The following ZNF532 variants were observed in gnomAD, a reference collection of about 807,000 sequenced individuals.
ZNF532 encodes the protein zinc finger protein 532.
ZNF532 carries 22 observed loss-of-function variants against 89.3 expected under a neutral mutation model. The ratio of observed to expected loss-of-function variants is 0.25; its 90% CI spans 0.18 to 0.35. The LOEUF is 0.35. Ranked by LOEUF, ZNF532 falls within the 10% of genes least tolerant of loss-of-function variation. ZNF532 has a pLI of 1.00. For missense variants in ZNF532, 1,132 were observed against 1,643.4 expected (o/e 0.69, Z 5.38); for synonymous variants, 606 against 649.6 (o/e 0.93, Z 1.02).
At chr18:58,936,840 C>T (rs2062518894) in intron 4 of ZNF532, among the ~76,000 whole-genome samples, 1 of 152,214 alleles carries the variant, frequency 6.6e-6, no homozygotes, top group Admixed American at 6.5e-5. Context: ...GTGGCCTTGT[C>T]ATGTTTTTTG....
chr18:58,905,403 C>CT (rs11376624), intron 2 of ZNF532, among the ~76,000 whole-genome samples: 61,026 of 139,270 alleles, frequency 0.44, 13,588 homozygotes, highest in East Asian at 0.63. Context: ...TTTTTTCTTT[C>CT]TTTTTTTTTT....
intron 2 of ZNF532, among the ~76,000 whole-genome samples, 187 bp downstream of exon 2, chr18:58,865,766 CTGAA>C (rs2056397671): frequency 6.6e-6 from 1 of 152,178 alleles, no homozygotes. Flanking sequence ...AAGGCGAAAT[CTGAA>C]TGCCTTCATT....
chr18:58,963,329 A>G (rs1349179070), intron 7 of ZNF532, among the ~76,000 whole-genome samples: 1 of 152,158 alleles, frequency 6.6e-6, no homozygotes, highest in Non-Finnish European at 1.5e-5. Context: ...AATACTTGCT[A>G]TTTTGTAGCC....
At chr18:58,863,549 A>G (rs1354137064), upstream of ZNF532, 1 of 2,482 alleles carries the variant, frequency 4.0e-4, no homozygotes, top group Non-Finnish European at 9.4e-4. Flanking sequence ...AGGCCGCTCC[A>G]CCGCACACGC....
At chr18:58,872,040 G>A (rs2057028194) in intron 2 of ZNF532, among the ~76,000 whole-genome samples, 1 of 152,172 alleles carries the variant, frequency 6.6e-6, no homozygotes, top group African/African-American at 2.4e-5. Flanking sequence ...CTATATTCTG[G>A]CTGTTTTATA....
intron 3 of ZNF532, among the ~76,000 whole-genome samples, chr18:58,929,725 T>C (rs2061795601): frequency 6.6e-6 from 1 of 152,220 alleles, no homozygotes; most frequent in Admixed American, 6.5e-5. Context: ...GCAGAATGAT[T>C]TGAGGACAAA....
intron 2 of ZNF532, among the ~76,000 whole-genome samples, chr18:58,890,895 G>A (rs9956797): frequency 0.039 from 5,906 of 150,962 alleles, 350 homozygotes; most frequent in African/African-American, 0.13. Flanking sequence ...TCCAGGCTGG[G>A]GTGCAGTGAT....
chr18:58,891,550 G>C (rs1457983269), intron 2 of ZNF532, among the ~76,000 whole-genome samples: 5 of 149,920 alleles, frequency 3.3e-5, no homozygotes. Flanking sequence ...ATGAAACCTG[G>C]GACGCTTGTA....
intron 7 of ZNF532, among the ~76,000 whole-genome samples, chr18:58,974,397 G>A (rs1263353518): frequency 1.3e-5 from 2 of 151,984 alleles, no homozygotes; most frequent in Non-Finnish European, 2.9e-5. Context: ...TTTCTGTAGC[G>A]GCACGGCATC....
At chr18:58,915,320 C>G (rs11664527) in intron 2 of ZNF532, among the ~76,000 whole-genome samples, 30,479 of 152,144 alleles carry the variant, frequency 0.2, 4,117 homozygotes, top group Middle Eastern at 0.38. Context: ...GGATGACTGA[C>G]TCACTTTTTA....
chr18:58,924,823 G>C (rs540830693), intron 3 of ZNF532, among the ~76,000 whole-genome samples: 1 of 152,066 alleles, frequency 6.6e-6, no homozygotes, highest in East Asian at 1.9e-4. Context: ...CCACTAAGCT[G>C]TTTTTCATTT....
chr18:58,940,257 T>G (rs1450272015), intron 5 of ZNF532: 2 of 152,162 alleles, frequency 1.3e-5, no homozygotes, highest in African/African-American at 4.8e-5. Context: ...ATCTTTAAAT[T>G]TTTCCATAGT....
chr18:58,904,365 AT>A (rs36066115), intron 2 of ZNF532, among the ~76,000 whole-genome samples: 12,059 of 151,256 alleles, frequency 0.08, 855 homozygotes, highest in East Asian at 0.36. Context: ...AAAAAAAAAA[AT>A]AATGTATATG....
In ZNF532 at chr18:58,865,305, G is replaced by GTA. The variant is rs142122159; in HGVS notation, c.-206_-205dup. ...TTGCATGCTTTTTTTCTCTTGCAGG[G>GTA]TATGTTCTGTCTTGTGCTTTTTCTT... On this transcript the variant is annotated 5_prime_UTR_variant, in exon 1 of 10. The change creates a new upstream start codon in the 5' untranslated region. Transcript: ENST00000591808. 4.6e-5 allele frequency: 7 copies of GTA among 152,268 alleles called. No individual in the cohort carries two copies. Among genetic ancestry groups the GTA allele is most frequent in the African/African-American group, 1.7e-4 (7 of 41,522 alleles). 9.4% of individuals were successfully genotyped at this position (152,268 alleles called of 1,614,324 possible).
rs1555708767 is a variant in ZNF532 at position 58,888,697 on chromosome 18, T to TTTTATATA, written c.-18+23119_-18+23120insTTATATAT. Among the ~76,000 whole-genome samples the TTTTATATA allele has an allele frequency of 6.0e-4, 27 of 45,308 alleles. 1 individual carries two copies. The highest frequency in any genetic ancestry group is 3.1e-3 in the African/African-American group (26 of 8,364). 29.7% of individuals were successfully genotyped at this position (45,308 alleles called of 152,430 possible). ...GTCTCCAAGGAAGGCAAAAAAAAAA[T>TTTTATATA]TATATATATATATATATATATATAT... is the stretch of plus-strand genomic sequence containing the variant. On this transcript the variant is annotated intron_variant, in intron 2 of 9. Transcript: ENST00000591808.
intron 6 of ZNF532, among the ~76,000 whole-genome samples, chr18:58,952,853 TTAA>T (rs148242579): frequency 0.074 from 11,231 of 152,252 alleles, 893 homozygotes; most frequent in African/African-American, 0.2. Context: ...GGCCATTATG[TTAA>T]TGATGATAGT....
chr18:58,899,651 TAG>T (rs2059474134), intron 2 of ZNF532, among the ~76,000 whole-genome samples: 1 of 152,086 alleles, frequency 6.6e-6, no homozygotes, highest in Admixed American at 6.6e-5. Flanking sequence ...GTATTTTTAG[TAG>T]AGACAGGGTT....
intron 3 of ZNF532, chr18:58,926,292 A>G (rs1338121449): frequency 6.6e-6 from 1 of 152,178 alleles, no homozygotes. Flanking sequence ...AGGCCGATAA[A>G]TGATTCTTCA....
chr18:58,959,988 G>T (rs996471058), intron 7 of ZNF532, among the ~76,000 whole-genome samples: 9 of 151,902 alleles, frequency 5.9e-5, no homozygotes, highest in African/African-American at 2.2e-4. Context: ...ACCCAAACTG[G>T]AGTGCAGTGG....
Sources: gnomAD v4.1 joint callset for allele counts (sites outside exome capture counted in the v4.1 genomes callset) on GRCh38, gnomAD v4.1.1 for gene constraint, MANE v1.5 for transcripts, NCBI Gene and HGNC (gene_info 2026-07-23, HGNC 2026-07-21) for gene names.